Variants in CELA3B observed in about 807,000 individuals in gnomAD.
The protein encoded by CELA3B is chymotrypsin-like elastase family member 3B.
Under a neutral mutation model 37.2 loss-of-function variants are expected in CELA3B, and 34 were observed. That is an observed-to-expected ratio of 0.91 (90% CI 0.70 to 1.22). The LOEUF (loss-of-function observed/expected upper bound fraction) is 1.22. Among genes scored for constraint, CELA3B ranks in the 50% most tolerant of loss-of-function variants. The pLI, the probability that CELA3B is intolerant of heterozygous loss-of-function variation, is 0.00. For missense variants in CELA3B, 340 were observed against 363.1 expected (o/e 0.94, Z 0.52); for synonymous variants, 127 against 143.5 (o/e 0.89, Z 0.82).
At chr1:21,983,470 A>G (rs1644817218) in intron 4 of CELA3B, among the ~76,000 whole-genome samples, 1 of 152,064 alleles carries the variant, frequency 6.6e-6, no homozygotes, top group African/African-American at 2.4e-5. Context: ...CCCTTGGCCC[A>G]GGAGGCTGCA....
rs1644801106 is a variant in CELA3B at position 21,981,036 on chromosome 1, A to G, written c.228-2A>G. ...CCAGACTGACCTCACCTCCGCCCGC[A>G]GGAGCTCCCGGACCTACCAGGTGGT... On this transcript the variant is annotated splice_acceptor_variant, in intron 3 of 7. Transcript: ENST00000337107. LOFTEE classifies it high-confidence loss of function. The G allele has an allele frequency of 6.2e-7, 1 of 1,613,942 alleles. No individual in the cohort carries two copies. Among genetic ancestry groups the G allele is most frequent in the Non-Finnish European group, 8.5e-7 (1 of 1,179,982 alleles).
intron 2 of CELA3B, among the ~76,000 whole-genome samples, chr1:21,978,825 T>C (rs7418481): frequency 0.88 from 134,271 of 151,764 alleles, 60,007 homozygotes; most frequent in Middle Eastern, 0.95. Flanking sequence ...GAGTGAGGGA[T>C]CTTGTAAGGC....
chr1:21,991,376 C>A (rs1236236663), downstream of CELA3B, among the ~76,000 whole-genome samples: 2 of 147,894 alleles, frequency 1.4e-5, no homozygotes, highest in African/African-American at 5.1e-5. Context: ...CGCTCTGTCG[C>A]CCAGGCTGGA....
chr1:21,986,608 T>C lies in CELA3B; in HGVS notation c.720T>C (p.Ser240=), dbSNP rs141334622. The change falls in exon 7 of 8, where the codon TCT becomes TCC. Residue 240 remains serine (S), a synonymous_variant. Transcript: ENST00000337107. ...TCCATGGCGTGACCAGCTTTGTTTC[T>C]GCCTTTGGCTGCAACACCCGCAGGA... ...WQVHGVTSFV[S]AFGCNTRRKP... is the part of the protein sequence containing the mutation. The C allele has an allele frequency of 7.9e-5, 127 of 1,614,130 alleles. No homozygotes were observed. The African/African-American group carries it at 1.5e-3, about 19-fold the overall frequency.
chr1:21,988,969 G>GTA (rs200514403), intron 7 of CELA3B, among the ~76,000 whole-genome samples: 3,459 of 151,462 alleles, frequency 0.023, 71 homozygotes, highest in Non-Finnish European at 0.033. Context: ...ACACACAGAC[G>GTA]TATATATATA....
chr1:21,980,917 A>G lies in CELA3B; in HGVS notation c.223A>G (p.Ile75Val). The change falls in exon 3 of 8, where the codon ATC (isoleucine) becomes GTC (valine). Residue 75 changes from isoleucine to valine, a missense_variant. Transcript: ENST00000337107. ...PDWVVTAGHC[I>V]SSSRTYQVVL... ...CTGGGTTGTGACTGCCGGCCACTGCATCTCGTGAGTTCTCTACCCTGTCCC... is the reference window on the plus strand; with the variant it reads ...CTGGGTTGTGACTGCCGGCCACTGCGTCTCGTGAGTTCTCTACCCTGTCCC... 3 of 1,613,612 alleles carry G rather than the reference A, an allele frequency of 1.9e-6. No homozygotes were observed. The highest frequency in any genetic ancestry group is 3.3e-4 in the Middle Eastern group (2 of 6,060).
intron 2 of CELA3B, among the ~76,000 whole-genome samples, chr1:21,979,076 C>CTAT (rs1644788529): frequency 6.6e-6 from 1 of 150,870 alleles, no homozygotes; most frequent in Non-Finnish European, 1.5e-5. Context: ...ATTATTATGA[C>CTAT]TATTATTATT....
downstream of CELA3B, among the ~76,000 whole-genome samples, chr1:21,991,595 C>G (rs1222703182): frequency 6.6e-6 from 1 of 150,970 alleles, no homozygotes; most frequent in Non-Finnish European, 1.5e-5. Flanking sequence ...CTTGGCCTCC[C>G]AAAGTGCTGG....
At chr1:21,983,666 G>A (rs1644818765) in intron 4 of CELA3B, 28 bp from the exon 5 acceptor site, 2 of 1,608,628 alleles carry the variant, frequency 1.2e-6, no homozygotes, top group Non-Finnish European at 1.7e-6. Context: ...TGGAGGACCA[G>A]GCCCCGTGAC....
At chr1:21,993,477 A>G (rs555620950), downstream of CELA3B, among the ~76,000 whole-genome samples, 171 of 100,744 alleles carry the variant, frequency 1.7e-3, no homozygotes, top group East Asian at 2.9e-3. Flanking sequence ...AAAAAAAAAA[A>G]AAGAAGAAGA....
chr1:21,981,950 C>A (rs1002307005), intron 4 of CELA3B, among the ~76,000 whole-genome samples: 7 of 152,058 alleles, frequency 4.6e-5, no homozygotes, highest in Admixed American at 2.0e-4. Flanking sequence ...TGATCTCGAT[C>A]TCCTGACCTC....
downstream of CELA3B, among the ~76,000 whole-genome samples, chr1:21,991,639 A>T (rs1347897742): frequency 6.6e-6 from 1 of 150,700 alleles, no homozygotes; most frequent in African/African-American, 2.5e-5. Context: ...CCGGGCCAGG[A>T]TCTATAAATT....
chr1:21,996,275 G>C lies in CELA3B; in HGVS notation c.505-1876G>C, dbSNP rs1391673245. ...AAGGTTAAGGCATTTTAGGTCACAG[G>C]ATGAGATAGGAGATCCACACAAAAT... On this transcript the variant is annotated intron_variant, in intron 4 of 4. Coordinates refer to the CELA3B transcript ENST00000400277. 8.6e-5 allele frequency among the ~76,000 whole-genome samples: 13 copies of C among 150,460 alleles called. No individual in the cohort carries two copies. The East Asian group carries it at 2.4e-3, about 28-fold the overall frequency.
In CELA3B at chr1:21,997,086, G is replaced by A. The variant is rs999677580; in HGVS notation, c.505-1065G>A. Among the ~76,000 whole-genome samples, 10 of 151,370 alleles carry A rather than the reference G, an allele frequency of 6.6e-5. 1 individual carries two copies. The highest frequency in any genetic ancestry group is 1.0e-4 in the Non-Finnish European group (7 of 67,926). On this transcript the variant is annotated intron_variant, in intron 4 of 4. Transcript: ENST00000400277. ...GTTAAAAGTTAAAGTCCCGCCGGGC[G>A]TGGTGGCTCACGCCTGTAATCCTGG... is the stretch of plus-strand genomic sequence containing the variant.
chr1:21,986,699 C>G lies in CELA3B; in HGVS notation c.795+16C>G. On this transcript the variant is annotated intron_variant, in intron 7 of 7. Coordinates refer to ENST00000337107, the MANE Select transcript of CELA3B (RefSeq NM_007352.4). Reference sequence around the variant, plus strand: ...GATTGAGGAGGTGAGGAGGGCAGGGCGGCCCGGAGGGCTTTAGGGTGGTGG... The same window carrying G: ...GATTGAGGAGGTGAGGAGGGCAGGGGGGCCCGGAGGGCTTTAGGGTGGTGG... 2 of 1,608,982 alleles carry G rather than the reference C, an allele frequency of 1.2e-6. No homozygotes were observed. The highest frequency in any genetic ancestry group is 8.5e-7 in the Non-Finnish European group (1 of 1,177,642).
At chr1:21,989,155 C>T (rs1213651599) in intron 7 of CELA3B, 107 bp from the exon 8 acceptor site, 1 of 1,595,588 alleles carries the variant, frequency 6.3e-7, no homozygotes, top group African/African-American at 1.3e-5. Context: ...AGGTCAATTC[C>T]TCTCCCAGGG....
At chr1:21,977,795 C>T (rs988082754) in intron 1 of CELA3B, 4 of 306,352 alleles carry the variant, frequency 1.3e-5, no homozygotes, top group Non-Finnish European at 1.9e-5. Flanking sequence ...AAATCTTGGC[C>T]TCAAGCAATC....
downstream of CELA3B, among the ~76,000 whole-genome samples, chr1:21,991,920 G>C (rs1644870408): frequency 6.6e-6 from 1 of 150,966 alleles, no homozygotes; most frequent in African/African-American, 2.5e-5. Context: ...AGGACTTTGT[G>C]ACCAGCCTGG....
chr1:21,984,925 C>A (rs112325137), intron 6 of CELA3B, among the ~76,000 whole-genome samples: 2 of 151,504 alleles, frequency 1.3e-5, no homozygotes, highest in African/African-American at 4.9e-5. Flanking sequence ...CCAGGCTGGG[C>A]GACAGAGTGA....
Sources: allele counts gnomAD v4.1 joint callset (sites outside exome capture counted in the v4.1 genomes callset), GRCh38; gene constraint gnomAD v4.1.1; transcripts MANE v1.5; gene names NCBI Gene and HGNC (gene_info 2026-07-23, HGNC 2026-07-21).